AUTS2: variants seen among roughly 807,000 people sequenced by gnomAD.
The protein encoded by AUTS2 is activator of transcription and developmental regulator AUTS2.
A neutral mutation model predicts 112.4 loss-of-function variants in AUTS2; 17 were observed. That is an observed-to-expected ratio of 0.15 (90% confidence interval 0.10 to 0.23). The LOEUF is 0.23. AUTS2 is among the 10% of genes least tolerant of loss of function. AUTS2 has a pLI of 1.00. For synonymous variants in AUTS2, 751 were observed against 702.7 expected (o/e 1.07, Z -1.09); for missense variants, 1,510 against 1,701.6 (o/e 0.89, Z 1.98).
intron 2 of AUTS2, among the ~76,000 whole-genome samples, chr7:69,931,910 T>C (rs1480329286): frequency 6.6e-6 from 1 of 152,244 alleles, no homozygotes; most frequent in Non-Finnish European, 1.5e-5. Flanking sequence ...TTGATGACTC[T>C]TTTTAATTAA....
intron 3 of AUTS2, among the ~76,000 whole-genome samples, chr7:70,128,737 T>C (rs1806111113): frequency 6.6e-6 from 1 of 152,216 alleles, no homozygotes; most frequent in Non-Finnish European, 1.5e-5. Context: ...ACAAACTGTA[T>C]GGCTGGAAAC....
chr7:70,491,590 TGTGTG>T (rs1438213953), intron 5 of AUTS2, among the ~76,000 whole-genome samples: 1 of 28,836 alleles, frequency 3.5e-5, no homozygotes. Context: ...GTATATATAT[TGTGTG>T]TGTGTGTGTG....
At chr7:69,735,009 G>A (rs944262239) in intron 1 of AUTS2, among the ~76,000 whole-genome samples, 2 of 152,268 alleles carry the variant, frequency 1.3e-5, no homozygotes, top group South Asian at 2.1e-4. Context: ...GACTCTTAAC[G>A]ATCAAGCACA....
chr7:70,011,798 G>A (rs1799817808), intron 2 of AUTS2, among the ~76,000 whole-genome samples: 1 of 152,114 alleles, frequency 6.6e-6, no homozygotes, highest in Non-Finnish European at 1.5e-5. Flanking sequence ...CTTCAGGGTG[G>A]CCATGCGACC....
chr7:69,857,864 T>G (rs974269013), intron 1 of AUTS2, among the ~76,000 whole-genome samples: 11 of 152,192 alleles, frequency 7.2e-5, no homozygotes, highest in African/African-American at 1.2e-4. Context: ...AACACCTGTG[T>G]GCCAAAAGGA....
chr7:70,301,596 C>G (rs1394934731), intron 4 of AUTS2, among the ~76,000 whole-genome samples: 1 of 152,156 alleles, frequency 6.6e-6, no homozygotes, highest in Non-Finnish European at 1.5e-5. Context: ...GTGCTTCCTT[C>G]CTTCCGTCCT....
At chr7:70,424,319 G>A (rs528465027) in intron 4 of AUTS2, among the ~76,000 whole-genome samples, 5 of 152,068 alleles carry the variant, frequency 3.3e-5, no homozygotes, top group Non-Finnish European at 7.4e-5. Flanking sequence ...ATCTCTTTTC[G>A]GTTTCAGCTT....
chr7:70,423,988 G>A (rs2130725043), intron 4 of AUTS2, among the ~76,000 whole-genome samples: 1 of 152,236 alleles, frequency 6.6e-6, no homozygotes, highest in South Asian at 2.1e-4. Context: ...GGAAATAACT[G>A]GAAAAATGAA....
At chr7:70,422,529 C>T (rs1451753295) in intron 4 of AUTS2, among the ~76,000 whole-genome samples, 1 of 152,176 alleles carries the variant, frequency 6.6e-6, no homozygotes, top group Admixed American at 6.5e-5. Context: ...GTAATCCCAG[C>T]ACTTTGGGAG....
chr7:70,699,936 G>A (rs1031938024), intron 6 of AUTS2, among the ~76,000 whole-genome samples: 3 of 150,128 alleles, frequency 2.0e-5, no homozygotes, highest in Non-Finnish European at 2.9e-5. Flanking sequence ...GGGCTTCTTC[G>A]TTTCTGCAGC....
Position 70,118,245 on chromosome 7 carries a change from T to TGAA in AUTS2, c.624+12_624+13insGAA. 1 of 1,322,588 alleles carries TGAA rather than the reference T, an allele frequency of 7.6e-7. No individual in the cohort carries two copies. Among genetic ancestry groups the TGAA allele is most frequent in the Non-Finnish European group, 9.7e-7 (1 of 1,030,452 alleles). The allele number at this position is 1,322,588 out of a possible 1,614,324, so 81.9% of individuals were successfully genotyped here. A position where few individuals can be genotyped will look rare whatever the true frequency, so the allele number is the denominator to read the frequency against. ...AAAGGCTCAGTGATGTAAGTTTAAGTAAAAAAAAAAAAAAAAAAAAAATTA... is the reference window on the plus strand; with the variant it reads ...AAAGGCTCAGTGATGTAAGTTTAAGTGAAAAAAAAAAAAAAAAAAAAAAAATTA... On this transcript the variant is annotated intron_variant, in intron 3 of 18. Transcript: ENST00000342771.
intron 5 of AUTS2, among the ~76,000 whole-genome samples, chr7:70,442,453 A>G (rs888868676): frequency 1.3e-5 from 2 of 152,056 alleles, no homozygotes; most frequent in African/African-American, 4.8e-5. Context: ...TAAATAGACA[A>G]TTTCTTATGG....
chr7:70,556,283 A>G (rs951559992), intron 5 of AUTS2, among the ~76,000 whole-genome samples: 5 of 152,144 alleles, frequency 3.3e-5, no homozygotes, highest in African/African-American at 1.2e-4. Flanking sequence ...CCCTCATGAC[A>G]CAGATACCTC....
chr7:70,654,422 C>T (rs933950339), intron 5 of AUTS2, among the ~76,000 whole-genome samples: 11 of 152,034 alleles, frequency 7.2e-5, no homozygotes, highest in African/African-American at 1.9e-4. Flanking sequence ...AAAAATAAGA[C>T]GGAGGTCACA....
intron 2 of AUTS2, among the ~76,000 whole-genome samples, chr7:70,068,817 T>C (rs780392449): frequency 6.6e-6 from 1 of 152,186 alleles, no homozygotes; most frequent in Non-Finnish European, 1.5e-5. Flanking sequence ...CTCACACATG[T>C]CAGAAGGAAA....
chr7:70,561,553 G>C (rs1276925627), intron 5 of AUTS2, among the ~76,000 whole-genome samples: 4 of 152,294 alleles, frequency 2.6e-5, no homozygotes, highest in African/African-American at 9.6e-5. Context: ...TTGAGCCCAG[G>C]AGTTTGAGGC....
chr7:70,337,130 A>G lies in AUTS2; in HGVS notation c.661-98622A>G, dbSNP rs531293903. Among the ~76,000 whole-genome samples the G allele has an allele frequency of 6.6e-5, 10 of 152,322 alleles. No individual in the cohort carries two copies. The South Asian group carries it at 1.9e-3, about 28-fold the overall frequency. On this transcript the variant is annotated intron_variant, in intron 4 of 18. Coordinates refer to ENST00000342771, the MANE Select transcript of AUTS2 (RefSeq NM_015570.4). ...TGCAGTAATTAAAATTTGTAGGTCA[A>G]GCCTCCCATGGCACCGTTTGCTGCT...
chr7:70,677,214 G>A (rs59807236), intron 5 of AUTS2, among the ~76,000 whole-genome samples: 2,828 of 152,270 alleles, frequency 0.019, 91 homozygotes, highest in African/African-American at 0.065. Flanking sequence ...CACTGTCCAG[G>A]TGTAGTCCTT....
chr7:70,182,442 G>T (rs1312449938), intron 4 of AUTS2, among the ~76,000 whole-genome samples: 1 of 152,134 alleles, frequency 6.6e-6, no homozygotes, highest in Non-Finnish European at 1.5e-5. Context: ...CAGATAGTGG[G>T]ATATGCATTT....
Sources: gnomAD v4.1 joint callset for allele counts (sites outside exome capture counted in the v4.1 genomes callset) on GRCh38, gnomAD v4.1.1 for gene constraint, MANE v1.5 for transcripts, NCBI Gene and HGNC (gene_info 2026-07-23, HGNC 2026-07-21) for gene names.